TCF25: variants seen among roughly 807,000 people sequenced by gnomAD.
TCF25 encodes the protein TCF25 ribosome quality control complex subunit.
A neutral mutation model predicts 83.1 loss-of-function variants in TCF25; 41 were observed. The ratio of observed to expected loss-of-function variants is 0.49; its 90% CI spans 0.38 to 0.64. The LOEUF (loss-of-function observed/expected upper bound fraction) is 0.64, where lower values mean the gene tolerates loss of function less well. TCF25 is among the 30% of genes least tolerant of loss of function. The pLI, the probability that TCF25 is intolerant of heterozygous loss-of-function variation, is 0.00. For missense variants in TCF25, 979 were observed against 914.5 expected, an observed-to-expected ratio of 1.07 and a Z score of -0.91; for synonymous variants, 458 against 365.0, an observed-to-expected ratio of 1.25 and a Z score of -2.90.
intron 1 of TCF25, among the ~76,000 whole-genome samples, chr16:89,880,868 C>G (rs891199714): frequency 6.6e-6 from 1 of 152,044 alleles, no homozygotes; most frequent in Non-Finnish European, 1.5e-5. Context: ...AGCTTTCTTC[C>G]TTTACTGCAG....
intron 9 of TCF25, among the ~76,000 whole-genome samples, chr16:89,896,938 A>C (rs1440167089): frequency 6.6e-6 from 1 of 151,820 alleles, no homozygotes; most frequent in Non-Finnish European, 1.5e-5. Context: ...CGAGAGTATC[A>C]CTCAAGTGAG....
rs745749321 is a variant in TCF25 at position 89,910,658 on chromosome 16, A to G, written c.1867A>G (p.Met623Val). The stretch of plus-strand genomic sequence containing the variant: ...CCGGTCACTGTTGCCAAACTATACC[A>G]TGGAGGTAGGTTGAGCTCGTCCCAG... Reference protein sequence around the residue: ...FFRSLLPNYTMEGERPEEGVA... With the variant: ...FFRSLLPNYTVEGERPEEGVA... Residue 623 changes from methionine (M) to valine (V), a missense_variant, in exon 17 of 18, where the codon ATG (methionine) becomes GTG (valine). By Grantham distance (21) the Met-to-Val change is conservative. Coordinates refer to ENST00000263346, the MANE Select transcript of TCF25 (RefSeq NM_014972.3). 7.6e-5 allele frequency: 122 copies of G among 1,613,406 alleles called. No homozygotes were observed. The highest frequency in any genetic ancestry group is 9.4e-5 in the Non-Finnish European group (111 of 1,179,972).
intron 17 of TCF25, 152 bp from the exon 18 acceptor site, chr16:89,910,928 G>C (rs2045502460): frequency 8.6e-7 from 1 of 1,169,182 alleles, no homozygotes; most frequent in South Asian, 1.5e-5. Context: ...ATTTGGTTTT[G>C]AGAGCTTCCT....
At chr16:89,891,826 G>A (rs555736761) in intron 5 of TCF25, among the ~76,000 whole-genome samples, 21 of 152,132 alleles carry the variant, frequency 1.4e-4, no homozygotes, top group Non-Finnish European at 2.2e-4. Context: ...AGGCCATCAC[G>A]CCAGGCTAAT....
intron 11 of TCF25, among the ~76,000 whole-genome samples, chr16:89,899,682 C>A (rs897710607): frequency 1.6e-4 from 24 of 151,740 alleles, no homozygotes; most frequent in Non-Finnish European, 2.4e-4. Context: ...GAGCCGAGAT[C>A]GCGCCATTGC....
chr16:89,908,231 T>C (rs1345515231), intron 16 of TCF25, among the ~76,000 whole-genome samples: 124 of 27,810 alleles, frequency 4.5e-3, no homozygotes, highest in Non-Finnish European at 5.0e-3. Flanking sequence ...CTCCCTCCTC[T>C]CAGTTCCCAC....
rs1424608244 is a variant in TCF25, at chr16:89,901,520, C to T, written c.1381+726C>T. Among the ~76,000 whole-genome samples the T allele has an allele frequency of 1.6e-4, 21 of 135,416 alleles. 1 individual carries two copies. Among genetic ancestry groups the T allele is most frequent in the South Asian group, 2.3e-4 (1 of 4,264 alleles). 88.8% of individuals were successfully genotyped at this position (135,416 alleles called of 152,430 possible). A position where few individuals can be genotyped will look rare whatever the true frequency, so the allele number is the denominator to read the frequency against. On this transcript the variant is annotated intron_variant, in intron 12 of 17. Transcript: ENST00000263346. ...TAGCACTTTGGGAGGCCGAGGTGGGCGGATCACGAGGTCAGGAGATCGAGA... is the reference window on the plus strand; with the variant it reads ...TAGCACTTTGGGAGGCCGAGGTGGGTGGATCACGAGGTCAGGAGATCGAGA...
chr16:89,900,275 C>G (rs1295157128), intron 11 of TCF25, among the ~76,000 whole-genome samples: 2 of 132,926 alleles, frequency 1.5e-5, no homozygotes, highest in East Asian at 3.2e-4. Flanking sequence ...GCTGCTCTCA[C>G]AGACTCGCGC....
At chr16:89,892,752 G>A (rs891929022) in intron 6 of TCF25, among the ~76,000 whole-genome samples, 1 of 152,256 alleles carries the variant, frequency 6.6e-6, no homozygotes, top group Non-Finnish European at 1.5e-5. Context: ...TTGGGTGCTT[G>A]GTTGTGTGGT....
chr16:89,893,951 G>A (rs1255240072), intron 7 of TCF25, 93 bp downstream of exon 7: 2 of 1,503,814 alleles, frequency 1.3e-6, no homozygotes, highest in African/African-American at 2.8e-5. Context: ...GGGGAGGCAT[G>A]CTGCCTCCTG....
chr16:89,899,374 C>T (rs934812905), intron 11 of TCF25, among the ~76,000 whole-genome samples: 6 of 152,176 alleles, frequency 3.9e-5, no homozygotes, highest in Admixed American at 6.5e-5. Context: ...ATGATAATTT[C>T]GGTGTATTGG....
At chr16:89,892,909 G>A (rs111313431) in intron 6 of TCF25, among the ~76,000 whole-genome samples, 1 of 152,206 alleles carries the variant, frequency 6.6e-6, no homozygotes, top group Non-Finnish European at 1.5e-5. Context: ...TGCTGTCAGC[G>A]CTGCCATGGC....
chr16:89,881,901 C>A (rs1011009574), intron 1 of TCF25, among the ~76,000 whole-genome samples: 1 of 152,072 alleles, frequency 6.6e-6, no homozygotes, highest in African/African-American at 2.4e-5. Flanking sequence ...ATTACAGGCA[C>A]GCGCCACTGC....
intron 2 of TCF25, 100 bp from the exon 3 acceptor site, chr16:89,884,482 G>C (rs569404722): frequency 8.2e-7 from 1 of 1,225,884 alleles, no homozygotes; most frequent in Admixed American, 2.0e-5. Flanking sequence ...GGAGAGGTAG[G>C]GGCTGCTTAG....
chr16:89,887,200 A>G (rs1280639869), intron 4 of TCF25, among the ~76,000 whole-genome samples: 1 of 152,034 alleles, frequency 6.6e-6, no homozygotes, highest in Non-Finnish European at 1.5e-5. Context: ...CGTCTGGTCA[A>G]AAAGTTCCTC....
rs1156387597 is a variant in TCF25 at position 89,893,749 on chromosome 16, A to G, written c.719A>G (p.Glu240Gly). 6.2e-7 allele frequency: 1 copy of G among 1,613,870 alleles called. No individual in the cohort carries two copies. Residue 240 changes from glutamate to glycine, a missense_variant, in exon 7 of 18, where the codon GAA (glutamate) becomes GGA (glycine). Physicochemically the swap from Glu to Gly is moderately conservative, Grantham distance 98. Coordinates refer to ENST00000263346, the MANE Select transcript of TCF25 (RefSeq NM_014972.3). ...SKPGLSMRLL[E>G]SKKGLSFFAF... ...CCAGGTCTGTCCATGCGGCTGCTGG[A>G]ATCAAAAAAAGGCCTCTCCTTCTTT...
chr16:89,904,060 C>G, intron 12 of TCF25, 58 bp from the exon 13 acceptor site: 1 of 1,541,558 alleles, frequency 6.5e-7, no homozygotes. Context: ...GCCTTGGGGG[C>G]TAGGAGTGGC....
At chr16:89,885,162 T>G (rs1359241071) in intron 3 of TCF25, among the ~76,000 whole-genome samples, 1 of 152,218 alleles carries the variant, frequency 6.6e-6, no homozygotes, top group African/African-American at 2.4e-5. Context: ...CAAGGTGGTG[T>G]TGAAAGAAGC....
At chr16:89,905,189 G>A in intron 14 of TCF25, 93 bp downstream of exon 14, 1 of 1,439,556 alleles carries the variant, frequency 6.9e-7, no homozygotes. Context: ...GGCGAGAAGG[G>A]CTGTGAGCAG....
Sources: gnomAD v4.1 joint callset for allele counts (sites outside exome capture counted in the v4.1 genomes callset) on GRCh38, gnomAD v4.1.1 for gene constraint, MANE v1.5 for transcripts, NCBI Gene and HGNC (gene_info 2026-07-23, HGNC 2026-07-21) for gene names.